The following GYG2 variants were observed in gnomAD, a reference collection of about 807,000 sequenced individuals.
GYG2 encodes glycogenin-2.
A neutral mutation model predicts 29.4 loss-of-function variants in GYG2; 29 were observed. The observed-to-expected ratio is 0.99, with a 90% confidence interval of 0.74 to 1.35. GYG2 has a LOEUF of 1.35. Among genes scored for constraint, GYG2 ranks in the 40% most tolerant of loss-of-function variants. The pLI is 0.00. For synonymous variants in GYG2, 167 were observed against 172.3 expected (o/e 0.97, Z 0.24); for missense variants, 370 against 385.7 (o/e 0.96, Z 0.34).
chrX:2,852,769 C>G (rs1183681127), intron 3 of GYG2: 1 of 111,539 alleles, frequency 9.0e-6, no homozygotes, highest in Non-Finnish European at 1.9e-5. Flanking sequence ...GCATGCATTT[C>G]TTTTTCATAA....
At chrX:2,858,033 A>G (rs1241582313) in intron 6 of GYG2, among the ~76,000 whole-genome samples, 1 of 111,538 alleles carries the variant, frequency 9.0e-6, no homozygotes, top group Non-Finnish European at 1.9e-5. Flanking sequence ...TTTTTAATAT[A>G]GAAATTTTTT....
At chrX:2,838,506 G>A (rs1371504245) in intron 2 of GYG2, among the ~76,000 whole-genome samples, 1 of 68,849 alleles carries the variant, frequency 1.5e-5, no homozygotes, top group African/African-American at 5.8e-5. Context: ...CTCTTTTGTT[G>A]CATACTCTCT....
chrX:2,854,122 A>G lies in GYG2; in HGVS notation c.292A>G (p.Ser98Gly). 2.5e-6 allele frequency: 3 copies of G among 1,201,772 alleles called. No individual in the cohort carries two copies. Among genetic ancestry groups the G allele is most frequent in the Non-Finnish European group, 3.4e-6 (3 of 888,790 alleles). The part of the protein sequence containing the change: ...KLHCWTLTHY[S>G]KCVFLDADTL... The stretch of plus-strand genomic sequence containing the variant: ...TCACTGTTGGACTCTCACTCACTAC[A>G]GCAAGTGTGTCTTCCTGGATGCAGA... The change falls in exon 4 of 11, where the codon AGC (serine) becomes GGC (glycine). Residue 98 changes from serine to glycine, a missense_variant. Ser to Gly is a moderately conservative substitution (Grantham distance 56). Transcript: ENST00000398806.
intron 9 of GYG2, 69 bp from the exon 10 acceptor site, chrX:2,877,131 A>G: frequency 8.5e-7 from 1 of 1,173,138 alleles, no homozygotes; most frequent in Non-Finnish European, 1.2e-6. Flanking sequence ...AGAGTTCTCC[A>G]TCATTTAGGT....
At chrX:2,868,502 C>T (rs1251199988) in intron 8 of GYG2, among the ~76,000 whole-genome samples, 1 of 101,790 alleles carries the variant, frequency 9.8e-6, no homozygotes, top group Non-Finnish European at 2.0e-5. Context: ...CCTGTGTCCA[C>T]ATAATTTCAT....
At chrX:2,837,564 G>A (rs1346765576) in intron 2 of GYG2, among the ~76,000 whole-genome samples, 1 of 109,899 alleles carries the variant, frequency 9.1e-6, no homozygotes, top group Admixed American at 9.7e-5. Context: ...CCCCTCCTCG[G>A]GAGTTCTCTT....
At chrX:2,844,551 C>T (rs1333713274) in intron 3 of GYG2, among the ~76,000 whole-genome samples, 2 of 61,330 alleles carry the variant, frequency 3.3e-5, no homozygotes, top group Non-Finnish European at 3.2e-5. Flanking sequence ...TATACGCACA[C>T]GCATGCGTAT....
At chrX:2,830,422 T>C (rs775013127) in intron 2 of GYG2, among the ~76,000 whole-genome samples, 26 of 112,148 alleles carry the variant, frequency 2.3e-4, no homozygotes, top group African/African-American at 8.4e-4. Context: ...CCTTGGGATT[T>C]CACCAGTTTC....
chrX:2,863,235 C>T (rs947258828), intron 8 of GYG2, among the ~76,000 whole-genome samples: 7 of 109,504 alleles, frequency 6.4e-5, no homozygotes, highest in East Asian at 2.9e-4. Flanking sequence ...CCACCGCGCC[C>T]GGCTAATTTT....
intron 10 of GYG2, among the ~76,000 whole-genome samples, chrX:2,879,771 G>A (rs2088678445): frequency 1.8e-5 from 2 of 111,811 alleles, no homozygotes; most frequent in Admixed American, 1.9e-4. Flanking sequence ...TAGAACGGAT[G>A]GATGGATGGA....
At position 2,855,164 on chromosome X, in the gene GYG2, G is replaced by A; in HGVS notation, c.487+9G>A. On this transcript the variant is annotated intron_variant, in intron 5 of 10. Transcript: ENST00000398806. ...ACACGGCAGCTTTGACGGTAAGTCA[G>A]GGCAGCCCGGACGCTTAGGGTCTCT... 8.3e-7 allele frequency: 1 copy of A among 1,203,574 alleles called. No individual in the cohort carries two copies. Among genetic ancestry groups the A allele is most frequent in the African/African-American group, 1.7e-5 (1 of 57,775 alleles).
At chrX:2,841,713 G>A (rs745718659) in intron 2 of GYG2, among the ~76,000 whole-genome samples, 2 of 111,804 alleles carry the variant, frequency 1.8e-5, no homozygotes, top group African/African-American at 6.5e-5. Context: ...TATTTAGTGC[G>A]AATTGTGGGT....
chrX:2,877,778 C>T (rs2088635158), intron 10 of GYG2: 16 of 748,536 alleles, frequency 2.1e-5, no homozygotes, highest in Non-Finnish European at 2.5e-5. Flanking sequence ...TCTTCAACTA[C>T]GTTCTCTCCA....
chrX:2,842,351 C>A (rs1402134417), intron 2 of GYG2, among the ~76,000 whole-genome samples: 1 of 103,867 alleles, frequency 9.6e-6, no homozygotes, highest in South Asian at 5.1e-4. Context: ...TGCACCACCT[C>A]GCCTGGCTAA....
chrX:2,842,361 A>G (rs1350735480), intron 2 of GYG2, among the ~76,000 whole-genome samples: 1 of 100,735 alleles, frequency 9.9e-6, no homozygotes, highest in Admixed American at 1.1e-4. Context: ...CGCCTGGCTA[A>G]TTTTTTTTTT....
At chrX:2,848,603 G>T (rs2147182449) in intron 3 of GYG2, among the ~76,000 whole-genome samples, 1 of 110,645 alleles carries the variant, frequency 9.0e-6, no homozygotes, top group African/African-American at 3.3e-5. Context: ...GAGTGGAAAG[G>T]TACACATAGC....
At chrX:2,863,845 A>G (rs2088233357) in intron 8 of GYG2, among the ~76,000 whole-genome samples, 1 of 111,880 alleles carries the variant, frequency 8.9e-6, no homozygotes, top group Non-Finnish European at 1.9e-5. Flanking sequence ...TGGAATGTGA[A>G]GAATTCCATC....
chrX:2,880,280 T>C (rs1179000877), intron 10 of GYG2, among the ~76,000 whole-genome samples: 2 of 110,722 alleles, frequency 1.8e-5, no homozygotes, highest in South Asian at 7.7e-4. Context: ...TGAATTATTA[T>C]TTAAATTCCT....
chrX:2,845,684 T>C (rs1265276458), intron 3 of GYG2, among the ~76,000 whole-genome samples: 1 of 106,667 alleles, frequency 9.4e-6, no homozygotes, highest in Non-Finnish European at 1.9e-5. Flanking sequence ...CATGTGTATG[T>C]ACATACATTT....
Sources: gnomAD v4.1 joint callset for allele counts (sites outside exome capture counted in the v4.1 genomes callset) on GRCh38, gnomAD v4.1.1 for gene constraint, MANE v1.5 for transcripts, NCBI Gene and HGNC (gene_info 2026-07-23, HGNC 2026-07-21) for gene names.